The following EYS variants were observed in gnomAD, a reference collection of about 807,000 sequenced individuals.
The protein encoded by EYS is EGF-like photoreceptor maintenance factor.
EYS carries 250 observed loss-of-function variants against 282.1 expected under a neutral mutation model. That is an observed-to-expected ratio of 0.89 (90% confidence interval 0.80 to 0.98). The LOEUF is 0.98. EYS is among the 50% of genes least tolerant of loss of function. The pLI, the probability that EYS is intolerant of heterozygous loss-of-function variation, is 0.00. For missense variants in EYS, 4,016 were observed against 3,709.0 expected, an observed-to-expected ratio of 1.08 and a Z score of -2.15; for synonymous variants, 1,355 against 1,282.9, an observed-to-expected ratio of 1.06 and a Z score of -1.20.
chr6:64,976,628 C>T (rs1435836279), intron 14 of EYS, among the ~76,000 whole-genome samples: 1 of 151,950 alleles, frequency 6.6e-6, no homozygotes, highest in Non-Finnish European at 1.5e-5. Context: ...GCTCCACCTA[C>T]TAATACCATT....
intron 22 of EYS, among the ~76,000 whole-genome samples, chr6:64,676,832 C>T (rs1021268810): frequency 1.3e-5 from 2 of 152,084 alleles, no homozygotes; most frequent in African/African-American, 4.8e-5. Flanking sequence ...AGCACGAATT[C>T]CTTTCATGAG....
At chr6:64,509,712 T>C (rs1777324152) in intron 26 of EYS, among the ~76,000 whole-genome samples, 1 of 152,158 alleles carries the variant, frequency 6.6e-6, no homozygotes, top group African/African-American at 2.4e-5. Context: ...CAACTCTCTA[T>C]CATACAAAAT....
chr6:64,747,280 A>C (rs772451464), intron 22 of EYS, among the ~76,000 whole-genome samples: 2 of 152,128 alleles, frequency 1.3e-5, no homozygotes, highest in Non-Finnish European at 2.9e-5. Context: ...TCCAATGCTT[A>C]TTTGAAATCT....
At chr6:65,648,314 A>C in intron 1 of EYS, among the ~76,000 whole-genome samples, 1 of 147,792 alleles carries the variant, frequency 6.8e-6, no homozygotes, top group East Asian at 2.0e-4. Context: ...AAGAAAATAT[A>C]TGTGTGTGTG....
chr6:65,670,016 ATTG>A (rs1768339690), intron 1 of EYS, among the ~76,000 whole-genome samples: 1 of 146,800 alleles, frequency 6.8e-6, no homozygotes. Context: ...CCTCCTCCTC[ATTG>A]TTTTTGAACA....
chr6:64,088,217 A>G (rs1170278771), intron 31 of EYS, among the ~76,000 whole-genome samples: 1 of 152,096 alleles, frequency 6.6e-6, no homozygotes, highest in Admixed American at 6.5e-5. Context: ...TGCTTCCAAA[A>G]GCCTCTTCAG....
chr6:63,830,646 G>T (rs1282259304), intron 36 of EYS, among the ~76,000 whole-genome samples: 1 of 152,184 alleles, frequency 6.6e-6, no homozygotes, highest in African/African-American at 2.4e-5. Context: ...CACTCTTCAG[G>T]ATATTATCCA....
intron 34 of EYS, among the ~76,000 whole-genome samples, chr6:63,989,771 G>A (rs1767527087): frequency 6.6e-6 from 1 of 151,054 alleles, no homozygotes; most frequent in Non-Finnish European, 1.5e-5. Flanking sequence ...TCAGCACATG[G>A]GATGTCCTTA....
chr6:64,355,095 A>T (rs541384626), intron 29 of EYS, among the ~76,000 whole-genome samples: 1 of 151,622 alleles, frequency 6.6e-6, no homozygotes, highest in Non-Finnish European at 1.5e-5. Context: ...ATACTCATGA[A>T]ATAATAAGTT....
At chr6:65,045,814 T>TG (rs939634041) in intron 13 of EYS, among the ~76,000 whole-genome samples, 5 of 151,918 alleles carry the variant, frequency 3.3e-5, no homozygotes, top group African/African-American at 1.2e-4. Flanking sequence ...TGGCTAGGGA[T>TG]GTAGCTGGTA....
chr6:64,243,382 C>G (rs1453677555), intron 30 of EYS, among the ~76,000 whole-genome samples: 1 of 152,182 alleles, frequency 6.6e-6, no homozygotes, highest in Non-Finnish European at 1.5e-5. Flanking sequence ...AAAGTTCTAT[C>G]AGCATAGACA....
chr6:65,393,771 G>A (rs1208239534), intron 7 of EYS, among the ~76,000 whole-genome samples: 1 of 151,756 alleles, frequency 6.6e-6, no homozygotes, highest in African/African-American at 2.4e-5. Context: ...GGTGGGGGAA[G>A]TTATGTTAAT....
At chr6:63,807,924 A>G (rs73762469) in intron 36 of EYS, among the ~76,000 whole-genome samples, 7,201 of 152,282 alleles carry the variant, frequency 0.047, 584 homozygotes, top group African/African-American at 0.16. Context: ...ATTAAAAACT[A>G]TGAAAATAGA....
At chr6:64,634,829 G>T (rs980033168) in intron 22 of EYS, among the ~76,000 whole-genome samples, 14 of 152,216 alleles carry the variant, frequency 9.2e-5, no homozygotes, top group Admixed American at 4.6e-4. Flanking sequence ...CAATATAAAA[G>T]AAATTAGATT....
intron 12 of EYS, among the ~76,000 whole-genome samples, chr6:65,258,627 A>T (rs991626552): frequency 2.5e-4 from 38 of 152,188 alleles, no homozygotes; most frequent in Admixed American, 1.2e-3. Context: ...AAAAACTAAT[A>T]AAACTCCTAT....
At chr6:64,640,569 T>C (rs1441469868) in intron 22 of EYS, among the ~76,000 whole-genome samples, 2 of 138,946 alleles carry the variant, frequency 1.4e-5, no homozygotes, top group Non-Finnish European at 3.1e-5. Flanking sequence ...GGGACTGTTG[T>C]GGGGTGGGGG....
rs535245269 is a variant in EYS, at chr6:63,959,391, G to A, written c.7055+24992C>T. Among the ~76,000 whole-genome samples, 13 of 152,278 alleles carry A rather than the reference G, an allele frequency of 8.5e-5. No homozygotes were observed. In the East Asian group the frequency reaches 2.3e-3, roughly 27 times the overall value. Reference sequence around the variant, plus strand: ...ATGCTGGTGAGGCTGTGGAAAAATAGGAGTGCTTTTACACTGCTGGTGGGA... The same window carrying A: ...ATGCTGGTGAGGCTGTGGAAAAATAAGAGTGCTTTTACACTGCTGGTGGGA... On this transcript the variant is annotated intron_variant, in intron 35 of 42. Transcript: ENST00000503581.
chr6:65,188,261 A>T (rs971834738), intron 12 of EYS, among the ~76,000 whole-genome samples: 1 of 151,716 alleles, frequency 6.6e-6, no homozygotes, highest in African/African-American at 2.4e-5. Context: ...CTAGGAAAAA[A>T]TGCTAATAAT....
At chr6:65,706,338 AC>A (rs1294085907) in intron 1 of EYS, among the ~76,000 whole-genome samples, 11 of 151,994 alleles carry the variant, frequency 7.2e-5, no homozygotes, top group Non-Finnish European at 2.9e-5. Context: ...AGTTCAACAT[AC>A]CTGATTTCTG....
Sources: gnomAD v4.1 joint callset for allele counts (sites outside exome capture counted in the v4.1 genomes callset) on GRCh38, gnomAD v4.1.1 for gene constraint, MANE v1.5 for transcripts, NCBI Gene and HGNC (gene_info 2026-07-23, HGNC 2026-07-21) for gene names.